Variants in RIGI observed in about 807,000 individuals in gnomAD.
RIGI encodes antiviral innate immune response receptor RIG-I.
the RIGI span, among the ~76,000 whole-genome samples, chr9:32,483,498 C>G: frequency 1.3e-5 from 2 of 152,118 alleles, no homozygotes; most frequent in Non-Finnish European, 2.9e-5. Context: ...CACGTGACTC[C>G]ATCACCGTCT....
At chr9:32,475,081 A>G in the RIGI span, among the ~76,000 whole-genome samples, 4 of 152,098 alleles carry the variant, frequency 2.6e-5, no homozygotes, top group Non-Finnish European at 4.4e-5. Context: ...TCTCCCAAGT[A>G]TCTGTGATTA....
At chr9:32,487,435 C>A in the RIGI span, 1 of 1,605,404 alleles carries the variant, frequency 6.2e-7, no homozygotes, top group Non-Finnish European at 8.5e-7. Flanking sequence ...TAGAGAGTAA[C>A]AGAATCTCAA....
chr9:32,474,226 G>GT, the RIGI span, among the ~76,000 whole-genome samples: 1 of 125,490 alleles, frequency 8.0e-6, no homozygotes, highest in Non-Finnish European at 1.7e-5. Flanking sequence ...AAAAAAAAAG[G>GT]TTTTAAAGTA....
chr9:32,513,884 A>G, the RIGI span, among the ~76,000 whole-genome samples: 1 of 152,352 alleles, frequency 6.6e-6, no homozygotes, highest in East Asian at 1.9e-4. Flanking sequence ...ATTTAAAAGA[A>G]AGAAACAACC....
chr9:32,468,493 C>T, the RIGI span, among the ~76,000 whole-genome samples: 1 of 152,026 alleles, frequency 6.6e-6, no homozygotes, highest in Non-Finnish European at 1.5e-5. Flanking sequence ...CAGGGAGAAC[C>T]CATCTCTACA....
At chr9:32,499,612 C>A in the RIGI span, among the ~76,000 whole-genome samples, 1 of 152,000 alleles carries the variant, frequency 6.6e-6, no homozygotes, top group Non-Finnish European at 1.5e-5. Context: ...CCCACCACCA[C>A]GCCTGGCTAA....
At chr9:32,478,641 C>T in the RIGI span, among the ~76,000 whole-genome samples, 550 of 152,218 alleles carry the variant, frequency 3.6e-3, no homozygotes, top group Middle Eastern at 6.8e-3. Flanking sequence ...CTCACTGCAA[C>T]GTCTGCCTTC....
the RIGI span, among the ~76,000 whole-genome samples, chr9:32,455,422 G>C: frequency 6.6e-6 from 1 of 152,096 alleles, no homozygotes; most frequent in Admixed American, 6.5e-5. Context: ...GCAGATGAGA[G>C]AGAGAGTGTG....
chr9:32,466,141 A>G, the RIGI span: 1 of 803,424 alleles, frequency 1.2e-6, no homozygotes, highest in Non-Finnish European at 1.9e-6. Flanking sequence ...ATTGACATTT[A>G]AAAACAGAAT....
chr9:32,469,313 C>G, the RIGI span, among the ~76,000 whole-genome samples: 1 of 152,336 alleles, frequency 6.6e-6, no homozygotes, highest in South Asian at 2.1e-4. Context: ...GATTTATACA[C>G]AGCCTGTTCC....
At chr9:32,476,822 A>G in the RIGI span, among the ~76,000 whole-genome samples, 5 of 152,054 alleles carry the variant, frequency 3.3e-5, no homozygotes, top group Non-Finnish European at 7.4e-5. Flanking sequence ...AGGTCTCACT[A>G]TGTTGCCCAG....
the RIGI span, among the ~76,000 whole-genome samples, chr9:32,491,867 T>A: frequency 6.6e-6 from 1 of 152,134 alleles, no homozygotes; most frequent in African/African-American, 2.4e-5. Flanking sequence ...GACCAGATAT[T>A]CAGATGTTTA....
chr9:32,516,673 G>C, the RIGI span, among the ~76,000 whole-genome samples: 1 of 152,212 alleles, frequency 6.6e-6, no homozygotes, highest in Non-Finnish European at 1.5e-5. Flanking sequence ...TCCATTTGCA[G>C]GTTAAACCAG....
the RIGI span, among the ~76,000 whole-genome samples, chr9:32,458,444 T>C: frequency 6.6e-6 from 1 of 152,214 alleles, no homozygotes; most frequent in Non-Finnish European, 1.5e-5. Flanking sequence ...CCCTAGCCTT[T>C]GTTTTTCTGT....
chr9:32,521,175 C>A, the RIGI span, among the ~76,000 whole-genome samples: 2 of 104,300 alleles, frequency 1.9e-5, no homozygotes, highest in Non-Finnish European at 4.5e-5. Flanking sequence ...TCACAGAAAT[C>A]CTATCTTATA....
the RIGI span, chr9:32,485,192 C>G: frequency 6.2e-7 from 1 of 1,603,238 alleles, no homozygotes; most frequent in Non-Finnish European, 8.5e-7. Flanking sequence ...TTTGCAGATT[C>G]TCTTTGCCAG....
chr9:32,483,443 T>C, the RIGI span, among the ~76,000 whole-genome samples: 116 of 152,132 alleles, frequency 7.6e-4, no homozygotes, highest in African/African-American at 2.7e-3. Flanking sequence ...GGCAAAAAGG[T>C]GGAGGCAGGG....
chr9:32,459,249 TACAC>T, the RIGI span: 25 of 1,207,616 alleles, frequency 2.1e-5, no homozygotes, highest in African/African-American at 3.4e-4. Flanking sequence ...TTTTTTTAAA[TACAC>T]AGATCATGGC....
the RIGI span, among the ~76,000 whole-genome samples, chr9:32,517,306 A>G: frequency 1.3e-5 from 2 of 152,318 alleles, no homozygotes; most frequent in Admixed American, 6.5e-5. Flanking sequence ...TTGGTTGTAG[A>G]TTCGTGAGTT....
Sources: allele counts gnomAD v4.1 joint callset (sites outside exome capture counted in the v4.1 genomes callset), GRCh38; gene constraint gnomAD v4.1.1; transcripts MANE v1.5; gene names NCBI Gene and HGNC (gene_info 2026-07-23, HGNC 2026-07-21).